Variants in BTK observed in about 807,000 individuals in gnomAD.
The protein encoded by BTK is Bruton tyrosine kinase.
In BTK, 5 loss-of-function variants were observed where a neutral mutation model predicts 57.4. The observed-to-expected ratio is 0.09, with a 90% CI of 0.05 to 0.18. The LOEUF (loss-of-function observed/expected upper bound fraction) is 0.18. BTK is among the 10% of genes least tolerant of loss of function. The probability of loss-of-function intolerance (pLI) is 1.00; values close to 1 mark genes in which losing one functional copy is unlikely to be tolerated. For synonymous variants in BTK, 154 were observed against 174.3 expected, an observed-to-expected ratio of 0.88 and a Z score of 0.92; for missense variants, 194 against 501.2, an observed-to-expected ratio of 0.39 and a Z score of 5.85.
At chrX:101,378,947 G>A (rs2147451862) in intron 1 of BTK, among the ~76,000 whole-genome samples, 1 of 110,667 alleles carries the variant, frequency 9.0e-6, no homozygotes, top group Non-Finnish European at 1.9e-5. Context: ...GCTGAGGCTG[G>A]CGGATCACTT....
chrX:101,388,328 A>G (rs187204321), upstream of BTK, among the ~76,000 whole-genome samples: 979 of 110,778 alleles, frequency 8.8e-3, 10 homozygotes, highest in Non-Finnish European at 0.015. Context: ...GCTTTTCTTC[A>G]CCCTCTGCCC....
At chrX:101,386,874 C>T (rs1670454486), upstream of BTK, among the ~76,000 whole-genome samples, 1 of 111,991 alleles carries the variant, frequency 8.9e-6, no homozygotes, top group African/African-American at 3.3e-5. Context: ...CTCTTGAGTC[C>T]TGTAAACCGG....
At chrX:101,353,118 T>C in intron 18 of BTK, 76 bp downstream of exon 18, 1 of 988,744 alleles carries the variant, frequency 1.0e-6, no homozygotes, top group Non-Finnish European at 1.4e-6. Context: ...CTATCAGTCT[T>C]TGGTGGCTGA....
At chrX:101,358,055 T>C in intron 12 of BTK, 1 of 481,642 alleles carries the variant, frequency 2.1e-6, no homozygotes, top group Non-Finnish European at 3.7e-6. Flanking sequence ...GAATACTTGC[T>C]GATGAATCAG....
intron 4 of BTK, among the ~76,000 whole-genome samples, chrX:101,370,901 CCT>C (rs782735175): frequency 8.9e-6 from 1 of 112,385 alleles, no homozygotes; most frequent in South Asian, 3.7e-4. Context: ...CTGAAATACC[CCT>C]CTTTCAAAGG....
chrX:101,367,852 C>G (rs1358423011), intron 5 of BTK, among the ~76,000 whole-genome samples: 1 of 111,077 alleles, frequency 9.0e-6, no homozygotes, highest in African/African-American at 3.3e-5. Flanking sequence ...GGAGCCCAAG[C>G]TGGTGATGGT....
chrX:101,387,955 C>CTA (rs1927673234), upstream of BTK, among the ~76,000 whole-genome samples: 1 of 109,039 alleles, frequency 9.2e-6, no homozygotes, highest in Non-Finnish European at 1.9e-5. Flanking sequence ...CAAGCTCCAC[C>CTA]TCCCGGGTTC....
chrX:101,361,964 A>G (rs1457098455), intron 7 of BTK, among the ~76,000 whole-genome samples: 1 of 112,963 alleles, frequency 8.9e-6, no homozygotes, highest in Non-Finnish European at 1.9e-5. Flanking sequence ...GTTTTGTTCT[A>G]AACAGGTGAT....
chrX:101,355,312 CAAAG>C (rs1926434222), intron 15 of BTK, among the ~76,000 whole-genome samples: 1 of 111,940 alleles, frequency 8.9e-6, no homozygotes, highest in Non-Finnish European at 1.9e-5. Flanking sequence ...AAACAAAAAA[CAAAG>C]AAGGGAGAAT....
intron 5 of BTK, among the ~76,000 whole-genome samples, chrX:101,366,721 A>G (rs1371869499): frequency 4.7e-5 from 5 of 106,804 alleles, no homozygotes; most frequent in African/African-American, 1.7e-4. Flanking sequence ...CAACAAGACT[A>G]TACCCAGGTG....
chrX:101,369,950 T>A (rs782163477), intron 5 of BTK, 48 bp downstream of exon 5: 1 of 1,103,907 alleles, frequency 9.1e-7, no homozygotes. Context: ...TCCTCTTCCT[T>A]CCTTTCCTTC....
In BTK at chrX:101,369,922, C is replaced by T. The variant is rs782704478; in HGVS notation, c.391+76G>A. On this transcript the variant is annotated intron_variant, in intron 5 of 18. Transcript: ENST00000308731. The stretch of plus-strand genomic sequence containing the variant: ...TTCTCGTTTCTCTCTTCCTTCTTTC[C>T]TTTTCCTCCCGTCTATCTCCTCTTC... The T allele has an allele frequency of 1.3e-3, 1,273 of 948,078 alleles. 1 individual carries two copies. The highest frequency in any genetic ancestry group is 1.7e-3 in the Non-Finnish European group (1,149 of 670,695). 78.1% of individuals were successfully genotyped at this position (948,078 alleles called of 1,213,427 possible).
chrX:101,374,409 A>G (rs1927138401), intron 3 of BTK, 127 bp downstream of exon 3: 1 of 586,570 alleles, frequency 1.7e-6, no homozygotes, highest in Admixed American at 2.4e-5. Flanking sequence ...TAGAGTGAAG[A>G]ATTTTTAAAG....
In BTK at chrX:101,370,082, G is replaced by T; in HGVS notation, c.310-3C>A. 8.3e-7 allele frequency: 1 copy of T among 1,202,630 alleles called. No individual in the cohort carries two copies. The highest frequency in any genetic ancestry group is 1.1e-6 in the Non-Finnish European group (1 of 887,524). On this transcript the variant is annotated splice_region_variant and splice_polypyrimidine_tract_variant and intron_variant, in intron 4 of 18. Coordinates refer to ENST00000308731, the MANE Select transcript of BTK (RefSeq NM_000061.3). ...AGAGGCCCTTCATCATATACAACCTGGGTCGATGAAAACACAGACTTCAGC... is the reference window on the plus strand; with the variant it reads ...AGAGGCCCTTCATCATATACAACCTTGGTCGATGAAAACACAGACTTCAGC...
chrX:101,359,457 C>A lies in BTK; in HGVS notation c.840-110G>T. ...GTGATTCAGTCAACTCACTCAAACCCTATTTACTGAGCATCTGTCATGTGC... is the reference window on the plus strand; with the variant it reads ...GTGATTCAGTCAACTCACTCAAACCATATTTACTGAGCATCTGTCATGTGC... On this transcript the variant is annotated intron_variant, in intron 9 of 18. Transcript: ENST00000308731. 6.7e-6 allele frequency: 5 copies of A among 746,107 alleles called. No homozygotes were observed. In the South Asian group the frequency reaches 1.1e-4, roughly 16 times the overall value. The allele number at this position is 746,107 out of a possible 1,213,427, so 61.5% of individuals were successfully genotyped here. A position where few individuals can be genotyped will look rare whatever the true frequency, so the allele number is the denominator to read the frequency against.
At chrX:101,387,804 A>G (rs140191918), upstream of BTK, among the ~76,000 whole-genome samples, 1,332 of 109,934 alleles carry the variant, frequency 0.012, 12 homozygotes, top group Middle Eastern at 0.061. Flanking sequence ...GTCACCCCCA[A>G]TAGCTGTTCC....
At chrX:101,381,974 G>A (rs1185063685) in intron 1 of BTK, among the ~76,000 whole-genome samples, 3 of 106,036 alleles carry the variant, frequency 2.8e-5, no homozygotes, top group Admixed American at 2.0e-4. Flanking sequence ...GGAGGTTGCA[G>A]TGAGCCGAGA....
chrX:101,377,406 T>C (rs1418905897), intron 1 of BTK, among the ~76,000 whole-genome samples: 4 of 111,602 alleles, frequency 3.6e-5, no homozygotes, highest in Non-Finnish European at 7.5e-5. Flanking sequence ...AATTACAGGA[T>C]AAAAAATAAA....
chrX:101,362,864 G>A, intron 5 of BTK, 175 bp from the exon 6 acceptor site: 2 of 601,371 alleles, frequency 3.3e-6, no homozygotes, highest in Non-Finnish European at 5.5e-6. Flanking sequence ...GCCTGACTGT[G>A]CCCTGGTCCC....
Sources: allele counts gnomAD v4.1 joint callset (sites outside exome capture counted in the v4.1 genomes callset), GRCh38; gene constraint gnomAD v4.1.1; transcripts MANE v1.5; gene names NCBI Gene and HGNC (gene_info 2026-07-23, HGNC 2026-07-21).